The following C14orf39 variants were observed in gnomAD, a reference collection of about 807,000 sequenced individuals.
The protein encoded by C14orf39 is chromosome 14 open reading frame 39, also known as protein SIX6OS1.
In C14orf39, 66 loss-of-function variants were observed where a neutral mutation model predicts 85.6. The ratio of observed to expected loss-of-function variants is 0.77; its 90% CI spans 0.63 to 0.95. The LOEUF is 0.95. C14orf39 is among the 40% of genes least tolerant of loss of function. The pLI is 0.00. For synonymous variants in C14orf39, 242 were observed against 214.0 expected, an observed-to-expected ratio of 1.13 and a Z score of -1.14; for missense variants, 735 against 663.9, an observed-to-expected ratio of 1.11 and a Z score of -1.18.
chr14:60,509,147 A>G (rs935638625), intron 1 of C14orf39: 3 of 546,218 alleles, frequency 5.5e-6, no homozygotes, highest in South Asian at 2.1e-5. Flanking sequence ...GCCCACCCCA[A>G]TAGCGGAGCC....
chr14:60,498,658 C>T (rs1046719603), intron 2 of C14orf39, among the ~76,000 whole-genome samples: 1 of 152,188 alleles, frequency 6.6e-6, no homozygotes, highest in Non-Finnish European at 1.5e-5. Context: ...AAGGCCCTTA[C>T]AATAATAACC....
intron 16 of C14orf39, among the ~76,000 whole-genome samples, chr14:60,449,214 A>G (rs1427225897): frequency 2.0e-5 from 3 of 152,072 alleles, no homozygotes; most frequent in Non-Finnish European, 4.4e-5. Flanking sequence ...TTTTGTATGT[A>G]ATCAAACCCA....
chr14:60,437,927 C>A (rs568203566), intron 17 of C14orf39, among the ~76,000 whole-genome samples: 1 of 151,544 alleles, frequency 6.6e-6, no homozygotes, highest in African/African-American at 2.4e-5. Flanking sequence ...CTGTTTTTCA[C>A]TTATTATATT....
chr14:60,486,023 A>C lies in C14orf39; in HGVS notation c.-87T>G, dbSNP rs1240261127. The C allele has an allele frequency of 6.5e-6, 1 of 152,860 alleles. No homozygotes were observed. Among genetic ancestry groups the C allele is most frequent in the Non-Finnish European group, 1.5e-5 (1 of 68,520 alleles). The allele number at this position is 152,860 out of a possible 1,614,324, so 9.5% of individuals were successfully genotyped here. A position where few individuals can be genotyped will look rare whatever the true frequency, so the allele number is the denominator to read the frequency against. ...AACTCCACTCAGGACGCCACAGCGG[A>C]TCCTAACTACAAACGGTCCCCGGAG... On this transcript the variant is annotated 5_prime_UTR_variant, in exon 1 of 18. Transcript: ENST00000321731.
In C14orf39 at chr14:60,471,667, T is replaced by C. The variant is rs1892088276; in HGVS notation, c.396A>G (p.Thr132=). The change falls in exon 6 of 18, where the codon ACA becomes ACG. Residue 132 remains threonine, a synonymous_variant. Transcript: ENST00000321731. The part of the protein sequence containing the change: ...LKQYQLKYSE[T]PFSREYYEKK... Reference sequence around the variant, plus strand: ...TCTCATAATATTCACGTGAAAAGGGTGTTTCTGAGTATTTTAGTTGGTACT... The same window carrying C: ...TCTCATAATATTCACGTGAAAAGGGCGTTTCTGAGTATTTTAGTTGGTACT... The C allele has an allele frequency of 1.2e-6, 2 of 1,607,596 alleles. No homozygotes were observed. Among genetic ancestry groups the C allele is most frequent in the Non-Finnish European group, 8.5e-7 (1 of 1,175,914 alleles).
chr14:60,512,346 C>G (rs568794411), intron 1 of C14orf39: 46 of 152,336 alleles, frequency 3.0e-4, no homozygotes, highest in African/African-American at 1.1e-3. Context: ...AAGCAGCAGG[C>G]ACCCATGATC....
upstream of C14orf39, among the ~76,000 whole-genome samples, chr14:60,488,766 C>A (rs186139303): frequency 1.9e-4 from 29 of 152,280 alleles, no homozygotes; most frequent in Admixed American, 1.8e-3. Flanking sequence ...TAACTACTTT[C>A]TCAGGTAATC....
chr14:60,485,274 G>T (rs546096095), intron 1 of C14orf39, among the ~76,000 whole-genome samples, 188 bp from the exon 2 acceptor site: 1 of 152,174 alleles, frequency 6.6e-6, no homozygotes, highest in African/African-American at 2.4e-5. Context: ...CAAGCCCAAC[G>T]AGCGCTTCAG....
In C14orf39 at chr14:60,504,998, A is replaced by G. The variant is rs548782756; in HGVS notation, c.-143-5568T>C. Among the ~76,000 whole-genome samples the G allele has an allele frequency of 1.1e-4, 17 of 152,360 alleles. No individual in the cohort carries two copies. In the East Asian group the frequency reaches 3.3e-3, roughly 29 times the overall value. ...TTAACAATATAAACAATTCTGCATC[A>G]CTTTAAAATGTCATTTAAAAATAGC... On this transcript the variant is annotated intron_variant, in intron 1 of 5. Coordinates refer to the C14orf39 transcript ENST00000556799.
At chr14:60,478,416 A>G (rs1892494922) in intron 4 of C14orf39, 27 bp from the exon 5 acceptor site, 3 of 1,231,514 alleles carry the variant, frequency 2.4e-6, no homozygotes, top group Non-Finnish European at 3.5e-6. Context: ...ATTTGTAATT[A>G]GCAACTCAGA....
At position 60,436,648 on chromosome 14, in the gene C14orf39, AAAT is replaced by A. The variant is rs1354003681; in HGVS notation, c.*194_*196del. ...CGGCTCGCAAAATCAAAACCAAAAT[AAAT>A]AATGATTAGTTAATAGCACACACAA... On this transcript the variant is annotated 3_prime_UTR_variant, in exon 18 of 18. Transcript: ENST00000321731. 2.6e-6 allele frequency: 1 copy of A among 384,950 alleles called. No individual in the cohort carries two copies. The highest frequency in any genetic ancestry group is 2.1e-5 in the African/African-American group (1 of 47,812). The allele number at this position is 384,950 out of a possible 1,614,324, so 23.8% of individuals were successfully genotyped here.
chr14:60,449,331 ATT>A (rs1890930794), intron 16 of C14orf39, among the ~76,000 whole-genome samples: 2 of 152,036 alleles, frequency 1.3e-5, no homozygotes, highest in Non-Finnish European at 2.9e-5. Flanking sequence ...TATTGTTAAC[ATT>A]TTCTTATATA....
intron 11 of C14orf39, among the ~76,000 whole-genome samples, chr14:60,464,995 T>C (rs1891718267): frequency 6.6e-6 from 1 of 152,134 alleles, no homozygotes; most frequent in African/African-American, 2.4e-5. Context: ...ACATTCCATT[T>C]CTCTTCTGGT....
Position 60,469,637 on chromosome 14 carries a change from C to A in C14orf39, c.571G>T (p.Glu191Ter). The A allele has an allele frequency of 1.4e-6, 2 of 1,382,764 alleles. No homozygotes were observed. The highest frequency in any genetic ancestry group is 1.6e-5 in the South Asian group (1 of 63,994). The allele number at this position is 1,382,764 out of a possible 1,614,324, so 85.7% of individuals were successfully genotyped here. Residue 191 changes from glutamate (E) to a stop codon, truncating the protein, a stop_gained, in exon 8 of 18, where the codon GAA becomes TAA. Transcript: ENST00000321731. LOFTEE classifies it high-confidence loss of function. Reference protein sequence around the residue: ...WTLNIVNLRCETQDILKHASN... With the variant: ...WTLNIVNLRC ...GCATGTTTAAGAATATCTTGTGTTT[C>A]ACATCTCAAATTAACACTTTTTATG...
At chr14:60,461,859 T>G (rs780036796) in intron 11 of C14orf39, among the ~76,000 whole-genome samples, 1 of 152,118 alleles carries the variant, frequency 6.6e-6, no homozygotes, top group African/African-American at 2.4e-5. Context: ...GTATTTAAGA[T>G]AAACCTTTTA....
intron 5 of C14orf39, among the ~76,000 whole-genome samples, chr14:60,472,622 A>G (rs1157375013): frequency 1.3e-5 from 2 of 151,966 alleles, no homozygotes; most frequent in African/African-American, 4.8e-5. Context: ...TCATTGTTCA[A>G]TTCCCACCTA....
At chr14:60,509,951 G>A (rs370851549) in intron 1 of C14orf39, 1 of 1,606,076 alleles carries the variant, frequency 6.2e-7, no homozygotes, top group Non-Finnish European at 8.5e-7. Flanking sequence ...AAGGGACCGA[G>A]CGGCTGCAGC....
At chr14:60,485,679 G>C (rs1004314062) in intron 1 of C14orf39, among the ~76,000 whole-genome samples, 5 of 152,098 alleles carry the variant, frequency 3.3e-5, no homozygotes, top group African/African-American at 2.4e-5. Context: ...CACAGCCCGT[G>C]CGCCTCCCGC....
intron 1 of C14orf39, among the ~76,000 whole-genome samples, chr14:60,507,739 A>G (rs750249252): frequency 9.9e-5 from 15 of 152,144 alleles, no homozygotes; most frequent in Non-Finnish European, 1.9e-4. Flanking sequence ...AGATCTGTAC[A>G]AGCCGCATAC....
Sources: allele counts gnomAD v4.1 joint callset (sites outside exome capture counted in the v4.1 genomes callset), GRCh38; gene constraint gnomAD v4.1.1; transcripts MANE v1.5; gene names NCBI Gene and HGNC (gene_info 2026-07-23, HGNC 2026-07-21).